TMEM74: variants seen among roughly 807,000 people sequenced by gnomAD.
The protein encoded by TMEM74 is transmembrane protein 74.
A neutral mutation model predicts 18.1 loss-of-function variants in TMEM74; 13 were observed. The observed-to-expected ratio is 0.72, with a 90% CI of 0.47 to 1.14. The LOEUF is 1.14. TMEM74 is among the 50% of genes most tolerant of loss of function. The probability of loss-of-function intolerance (pLI) is 0.00; values close to 1 mark genes in which losing one functional copy is unlikely to be tolerated. For missense variants in TMEM74, 372 were observed against 375.9 expected (o/e 0.99, Z 0.09); for synonymous variants, 159 against 146.6 (o/e 1.08, Z -0.61).
At chr8:108,610,356 C>A (rs1812322748) in intron 2 of TMEM74, among the ~76,000 whole-genome samples, 1 of 152,038 alleles carries the variant, frequency 6.6e-6, no homozygotes, top group Non-Finnish European at 1.5e-5. Flanking sequence ...TGCATCTGTT[C>A]ATTCAATAAA....
At position 108,676,606 on chromosome 8, in the gene TMEM74, C is replaced by T. The variant is rs990185330; in HGVS notation, n.120-21169G>A. Among the ~76,000 whole-genome samples, 5 of 152,116 alleles carry T rather than the reference C, an allele frequency of 3.3e-5. No homozygotes were observed. The South Asian group carries it at 6.2e-4, about 19-fold the overall frequency. ...TGACCACCCTGCCCTATTATATTTTCAATTAATATTTTTCACCCTCTAGTA... is the reference window on the plus strand; with the variant it reads ...TGACCACCCTGCCCTATTATATTTTTAATTAATATTTTTCACCCTCTAGTA... On this transcript the variant is annotated intron_variant and non_coding_transcript_variant, in intron 1 of 3. Coordinates refer to the TMEM74 transcript ENST00000518838.
intron 2 of TMEM74, among the ~76,000 whole-genome samples, chr8:108,611,126 G>T (rs1226979984): frequency 6.6e-6 from 1 of 152,148 alleles, no homozygotes; most frequent in Non-Finnish European, 1.5e-5. Context: ...AATTTCTGGA[G>T]TTTTAAAGCA....
At chr8:108,619,889 AAAG>A (rs1812422369) in intron 2 of TMEM74, among the ~76,000 whole-genome samples, 1 of 152,160 alleles carries the variant, frequency 6.6e-6, no homozygotes, top group Non-Finnish European at 1.5e-5. Context: ...GAGAAATGTA[AAAG>A]GAGGAGAGTC....
rs372786052 is a variant in TMEM74 at position 108,644,197 on chromosome 8, G to A, written n.264+11096C>T. Among the ~76,000 whole-genome samples, 26 of 152,046 alleles carry A rather than the reference G, an allele frequency of 1.7e-4. 1 individual carries two copies. Among genetic ancestry groups the A allele is most frequent in the African/African-American group, 4.8e-4 (20 of 41,486 alleles). On this transcript the variant is annotated intron_variant and non_coding_transcript_variant, in intron 2 of 3. Coordinates refer to the TMEM74 transcript ENST00000518838. Reference sequence around the variant, plus strand: ...GAATAGAGAAGCCAGAAATAAAACCGCAAACCTACAGCCTTGTCGATCCTT... The same window carrying A: ...GAATAGAGAAGCCAGAAATAAAACCACAAACCTACAGCCTTGTCGATCCTT...
At chr8:108,706,961 G>A (rs1232367930) in intron 1 of TMEM74, among the ~76,000 whole-genome samples, 4 of 151,934 alleles carry the variant, frequency 2.6e-5, no homozygotes, top group Non-Finnish European at 4.4e-5. Context: ...TCCTTTTCCC[G>A]CCTTGAAGTA....
At chr8:108,660,458 T>A (rs1812888420) in intron 1 of TMEM74, among the ~76,000 whole-genome samples, 1 of 152,196 alleles carries the variant, frequency 6.6e-6, no homozygotes, top group Non-Finnish European at 1.5e-5. Context: ...GTCTTATTTT[T>A]CTTCTTGGTA....
At chr8:108,614,527 C>T (rs912913486) in intron 2 of TMEM74, among the ~76,000 whole-genome samples, 5 of 152,058 alleles carry the variant, frequency 3.3e-5, no homozygotes, top group African/African-American at 7.2e-5. Context: ...CTAGAATATT[C>T]GACTGTGAAA....
At position 108,709,921 on chromosome 8, in the gene TMEM74, G is replaced by T. The variant is rs1168254446; in HGVS notation, n.120-54484C>A. 3.3e-5 allele frequency among the ~76,000 whole-genome samples: 5 copies of T among 152,170 alleles called. 1 individual carries two copies. In the South Asian group the frequency reaches 1.0e-3, roughly 32 times the overall value. ...AATAAAACAAACTGCTTTTTAATTT[G>T]ATGTTTCTTGACAATACAATATTAT... On this transcript the variant is annotated intron_variant and non_coding_transcript_variant, in intron 1 of 3. Coordinates refer to the TMEM74 transcript ENST00000518838.
intron 2 of TMEM74, among the ~76,000 whole-genome samples, chr8:108,634,083 AT>A (rs1812581889): frequency 6.6e-6 from 1 of 151,962 alleles, no homozygotes; most frequent in African/African-American, 2.4e-5. Context: ...ACTCACTGAC[AT>A]TTCCCATGGG....
At chr8:108,697,108 T>C (rs1813288203) in intron 1 of TMEM74, among the ~76,000 whole-genome samples, 1 of 152,182 alleles carries the variant, frequency 6.6e-6, no homozygotes. Flanking sequence ...TGGATTAGAA[T>C]GGGAAAGGAG....
chr8:108,650,697 A>T (rs971272976), intron 2 of TMEM74, among the ~76,000 whole-genome samples: 1 of 132,028 alleles, frequency 7.6e-6, no homozygotes, highest in African/African-American at 2.7e-5. Context: ...TCATTGAGGC[A>T]TTCTTTTTAT....
At chr8:108,635,325 A>C (rs978307075) in intron 2 of TMEM74, among the ~76,000 whole-genome samples, 2 of 151,674 alleles carry the variant, frequency 1.3e-5, no homozygotes, top group Non-Finnish European at 2.9e-5. Context: ...AGAGAGACTG[A>C]AATTATGTCC....
At chr8:108,658,194 G>C (rs957467417) in intron 1 of TMEM74, among the ~76,000 whole-genome samples, 10 of 151,862 alleles carry the variant, frequency 6.6e-5, no homozygotes, top group Admixed American at 1.3e-4. Context: ...GTGGAAAGAG[G>C]ACAGGGATTT....
At chr8:108,680,256 A>T (rs1315316860) in intron 1 of TMEM74, among the ~76,000 whole-genome samples, 2 of 152,194 alleles carry the variant, frequency 1.3e-5, no homozygotes, top group African/African-American at 4.8e-5. Flanking sequence ...ACATTGATGC[A>T]AAAATCCTCA....
intron 1 of TMEM74, among the ~76,000 whole-genome samples, chr8:108,763,406 A>G (rs775446034): frequency 1.3e-5 from 2 of 152,198 alleles, no homozygotes; most frequent in Non-Finnish European, 2.9e-5. Flanking sequence ...AAACCTAGGC[A>G]TGAAATAGTT....
At chr8:108,687,735 A>T (rs760755659) in intron 1 of TMEM74, among the ~76,000 whole-genome samples, 3 of 152,074 alleles carry the variant, frequency 2.0e-5, no homozygotes, top group African/African-American at 7.2e-5. Context: ...ATAGGGTTTC[A>T]TACTCCTATG....
intron 2 of TMEM74, among the ~76,000 whole-genome samples, chr8:108,622,698 T>C (rs1812455896): frequency 6.6e-6 from 1 of 152,250 alleles, no homozygotes; most frequent in East Asian, 1.9e-4. Context: ...TTTGGTATAA[T>C]GTAAATTTGA....
intron 1 of TMEM74, among the ~76,000 whole-genome samples, chr8:108,679,533 G>A (rs1563523940): frequency 6.6e-6 from 1 of 152,196 alleles, no homozygotes; most frequent in Admixed American, 6.5e-5. Context: ...TCTTTTGGCT[G>A]CATAAATGTC....
chr8:108,735,211 T>G (rs544390111), intron 1 of TMEM74, among the ~76,000 whole-genome samples: 1 of 152,214 alleles, frequency 6.6e-6, no homozygotes, highest in African/African-American at 2.4e-5. Flanking sequence ...GGAGAAACAA[T>G]TCACTTACCA....
Sources: allele counts gnomAD v4.1 joint callset (sites outside exome capture counted in the v4.1 genomes callset), GRCh38; gene constraint gnomAD v4.1.1; transcripts MANE v1.5; gene names NCBI Gene and HGNC (gene_info 2026-07-23, HGNC 2026-07-21).